The following WWOX variants were observed in gnomAD, a reference collection of about 807,000 sequenced individuals.
WWOX encodes the protein WW domain-containing oxidoreductase.
Under a neutral mutation model 46.2 loss-of-function variants are expected in WWOX, and 69 were observed. The ratio of observed to expected loss-of-function variants is 1.49; its 90% CI spans 1.23 to 1.82. WWOX has a LOEUF of 1.82. Ranked by LOEUF, WWOX falls within the 40% of genes most tolerant of loss-of-function variation. The pLI, the probability that WWOX is intolerant of heterozygous loss-of-function variation, is 0.00. For missense variants in WWOX, 919 were observed against 542.6 expected, an observed-to-expected ratio of 1.69 and a Z score of -6.89; for synonymous variants, 359 against 202.6, an observed-to-expected ratio of 1.77 and a Z score of -6.56.
At chr16:78,468,922 C>T (rs543662245) in intron 8 of WWOX, among the ~76,000 whole-genome samples, 1 of 152,262 alleles carries the variant, frequency 6.6e-6, no homozygotes, top group African/African-American at 2.4e-5. Flanking sequence ...CCCCTCTACC[C>T]CAAAAGTATA....
intron 6 of WWOX, among the ~76,000 whole-genome samples, chr16:78,391,705 G>A (rs777244393): frequency 8.6e-5 from 13 of 152,010 alleles, no homozygotes; most frequent in African/African-American, 1.2e-4. Flanking sequence ...AAAATTAGCC[G>A]GGCATGGTGA....
At chr16:78,621,120 G>C (rs1054573629) in intron 8 of WWOX, among the ~76,000 whole-genome samples, 7 of 152,120 alleles carry the variant, frequency 4.6e-5, no homozygotes, top group Non-Finnish European at 1.0e-4. Flanking sequence ...AAAATGCTGG[G>C]TTTTAATGGG....
At chr16:78,541,443 C>G (rs2043891510) in intron 8 of WWOX, among the ~76,000 whole-genome samples, 1 of 121,528 alleles carries the variant, frequency 8.2e-6, no homozygotes, top group South Asian at 2.9e-4. Flanking sequence ...CACTGCACTC[C>G]AGCCTGGGCG....
intron 8 of WWOX, among the ~76,000 whole-genome samples, chr16:78,699,595 A>G (rs113682465): frequency 1.3e-5 from 2 of 152,318 alleles, no homozygotes; most frequent in African/African-American, 2.4e-5. Flanking sequence ...ACGTGAATAT[A>G]TGCTAACACA....
intron 8 of WWOX, among the ~76,000 whole-genome samples, chr16:79,094,320 C>T (rs886921488): frequency 9.3e-5 from 14 of 150,162 alleles, no homozygotes; most frequent in African/African-American, 3.4e-4. Flanking sequence ...ATGGCACGAT[C>T]TCGGCTCGCT....
chr16:79,158,657 G>A (rs934433681), intron 8 of WWOX, among the ~76,000 whole-genome samples: 5 of 152,150 alleles, frequency 3.3e-5, no homozygotes, highest in Non-Finnish European at 7.3e-5. Context: ...GTCCCCACCT[G>A]CTATCCTCCC....
At chr16:78,221,370 A>T (rs1393321481) in intron 5 of WWOX, among the ~76,000 whole-genome samples, 2 of 152,226 alleles carry the variant, frequency 1.3e-5, no homozygotes, top group Non-Finnish European at 2.9e-5. Flanking sequence ...TGTAATATAA[A>T]TACATAAAAC....
At chr16:78,945,904 C>A (rs1248626645) in intron 8 of WWOX, among the ~76,000 whole-genome samples, 1 of 152,070 alleles carries the variant, frequency 6.6e-6, no homozygotes, top group Non-Finnish European at 1.5e-5. Context: ...CCCTTGTGAC[C>A]TTGAACATGT....
intron 8 of WWOX, among the ~76,000 whole-genome samples, chr16:78,934,030 A>C (rs1158879596): frequency 6.6e-6 from 1 of 152,032 alleles, no homozygotes; most frequent in Non-Finnish European, 1.5e-5. Context: ...CGTCTCTCAA[A>C]AAAATTTAAA....
intron 8 of WWOX, among the ~76,000 whole-genome samples, chr16:78,812,825 T>C (rs532451610): frequency 1.8e-4 from 27 of 152,376 alleles, no homozygotes; most frequent in South Asian, 4.1e-4. Flanking sequence ...GTTTGTGTTA[T>C]AAGTTTTCAA....
rs113840496 is a variant in WWOX, at chr16:79,178,999, C to T, written c.1057-32609C>T. Among the ~76,000 whole-genome samples, 404 of 152,266 alleles carry T rather than the reference C, an allele frequency of 2.7e-3. 1 individual carries two copies. The highest frequency in any genetic ancestry group is 0.014 in the Middle Eastern group (4 of 294). Reference sequence around the variant, plus strand: ...TCATACTCCTGCAAGGTAAATGCAGCAGTGAGAAGAATCAGTCTACTGTGC... The same window carrying T: ...TCATACTCCTGCAAGGTAAATGCAGTAGTGAGAAGAATCAGTCTACTGTGC... On this transcript the variant is annotated intron_variant, in intron 8 of 8. Coordinates refer to ENST00000566780, the MANE Select transcript of WWOX (RefSeq NM_016373.4).
chr16:79,211,974 G>A lies in WWOX; in HGVS notation c.*178G>A, dbSNP rs2051775605. The A allele has an allele frequency of 2.0e-6, 3 of 1,527,932 alleles. No individual in the cohort carries two copies. Among genetic ancestry groups the A allele is most frequent in the East Asian group, 2.4e-5 (1 of 40,872 alleles). The allele number at this position is 1,527,932 out of a possible 1,614,324, so 94.6% of individuals were successfully genotyped here. On this transcript the variant is annotated 3_prime_UTR_variant, in exon 9 of 9. Transcript: ENST00000566780. ...TACCAATGGGAAGCAGGGAATTCCT[G>A]GGGTAAAGTATCACTTTTCTGGGGC...
rs563265030 is a variant in WWOX, at chr16:78,119,808, C to T, written c.409+4654C>T. ...ACAAATTAGATATTTTCAGTCTACT[C>T]TTCTGTGGTAATGATGATAAAACTT... On this transcript the variant is annotated intron_variant, in intron 4 of 8. Transcript: ENST00000566780. Among the ~76,000 whole-genome samples, 8 of 152,204 alleles carry T rather than the reference C, an allele frequency of 5.3e-5. No individual in the cohort carries two copies. In the South Asian group the frequency reaches 1.5e-3, roughly 28 times the overall value.
intron 8 of WWOX, among the ~76,000 whole-genome samples, chr16:78,574,999 T>TTATATATATATATATATATATAAATATA (rs2044815233): frequency 1.6e-4 from 6 of 37,028 alleles, no homozygotes; most frequent in South Asian, 9.9e-4. Context: ...TATTTTTCAA[T>TTATATATATATATATATATATAAATATA]TATATATATA....
At chr16:78,442,322 G>A (rs13335564) in intron 8 of WWOX, among the ~76,000 whole-genome samples, 9,486 of 151,912 alleles carry the variant, frequency 0.062, 456 homozygotes, top group South Asian at 0.15. Context: ...TATATAATAC[G>A]TTATTATTAT....
At chr16:78,962,668 G>A (rs747775783) in intron 8 of WWOX, among the ~76,000 whole-genome samples, 2 of 151,948 alleles carry the variant, frequency 1.3e-5, no homozygotes, top group Admixed American at 6.6e-5. Flanking sequence ...TCATTCCTAC[G>A]GTAAGGTGCA....
chr16:78,598,901 C>T (rs149852733), intron 8 of WWOX, among the ~76,000 whole-genome samples: 4 of 152,252 alleles, frequency 2.6e-5, no homozygotes, highest in African/African-American at 9.6e-5. Flanking sequence ...CACATGACAC[C>T]AATAGCTCAC....
At chr16:79,159,263 C>G (rs1020807559) in intron 8 of WWOX, among the ~76,000 whole-genome samples, 5 of 152,196 alleles carry the variant, frequency 3.3e-5, no homozygotes, top group African/African-American at 1.2e-4. Context: ...TAATCTCATT[C>G]GGTGCATACG....
chr16:78,816,970 G>C (rs2051347057), intron 8 of WWOX, among the ~76,000 whole-genome samples: 1 of 152,044 alleles, frequency 6.6e-6, no homozygotes, highest in African/African-American at 2.4e-5. Context: ...TAAATACCTT[G>C]GGCCTGAGCT....
Sources: gnomAD v4.1 joint callset for allele counts (sites outside exome capture counted in the v4.1 genomes callset) on GRCh38, gnomAD v4.1.1 for gene constraint, MANE v1.5 for transcripts, NCBI Gene and HGNC (gene_info 2026-07-23, HGNC 2026-07-21) for gene names.